Variants in RELN observed in about 807,000 individuals in gnomAD.
RELN encodes reelin.
Under a neutral mutation model 427.6 loss-of-function variants are expected in RELN, and 108 were observed. The observed-to-expected ratio is 0.25, with a 90% CI of 0.22 to 0.30. The LOEUF (loss-of-function observed/expected upper bound fraction) is 0.30, where lower values mean the gene tolerates loss of function less well. Ranked by LOEUF, RELN falls within the 10% of genes least tolerant of loss-of-function variation. The pLI is 1.00. For synonymous variants in RELN, 1,524 were observed against 1,513.4 expected, an observed-to-expected ratio of 1.01 and a Z score of -0.16; for missense variants, 3,715 against 4,302.8, an observed-to-expected ratio of 0.86 and a Z score of 3.82.
chr7:103,847,425 G>C (rs1423619464), intron 2 of RELN, among the ~76,000 whole-genome samples: 3 of 152,150 alleles, frequency 2.0e-5, no homozygotes, highest in Admixed American at 2.0e-4. Context: ...AGAGGGTGGG[G>C]GGCTAGAGGA....
Position 103,835,055 on chromosome 7 carries a change from C to A in RELN, c.338-1383G>T, listed in dbSNP as rs147197580. Reference sequence around the variant, plus strand: ...CAAAAGTTGGAAGCAACCAAGATGTCCTTCAGTTGGTGAATGGATAATGTG... The same window carrying A: ...CAAAAGTTGGAAGCAACCAAGATGTACTTCAGTTGGTGAATGGATAATGTG... On this transcript the variant is annotated intron_variant, in intron 2 of 64. Transcript: ENST00000428762. Among the ~76,000 whole-genome samples, 422 of 152,286 alleles carry A rather than the reference C, an allele frequency of 2.8e-3. 7 individuals carry two copies. The highest frequency in any genetic ancestry group is 4.1e-3 in the Non-Finnish European group (278 of 68,020).
At chr7:103,715,646 T>C (rs1028515729) in intron 8 of RELN, among the ~76,000 whole-genome samples, 1 of 152,138 alleles carries the variant, frequency 6.6e-6, no homozygotes, top group African/African-American at 2.4e-5. Flanking sequence ...CTTTCTCCCT[T>C]CCAGTCCTAT....
intron 22 of RELN, among the ~76,000 whole-genome samples, chr7:103,609,765 GGTTT>G (rs1305081160): frequency 1.3e-5 from 2 of 152,064 alleles, no homozygotes; most frequent in Non-Finnish European, 2.9e-5. Context: ...AATCTGAGAA[GGTTT>G]ATTTAGTAAT....
Position 103,498,325 on chromosome 7 carries a change from G to T in RELN, c.8668-73C>A. 8 of 1,367,256 alleles carry T rather than the reference G, an allele frequency of 5.9e-6. No individual in the cohort carries two copies. The South Asian group carries it at 9.5e-5, about 16-fold the overall frequency. The allele number at this position is 1,367,256 out of a possible 1,614,324, so 84.7% of individuals were successfully genotyped here. On this transcript the variant is annotated intron_variant, in intron 53 of 64. Coordinates refer to ENST00000428762, the MANE Select transcript of RELN (RefSeq NM_005045.4). ...ACTATGGAATATTTAAGAAAATACA[G>T]AGTGATGTCTTGGACTTAAAAAAAA...
chr7:103,625,591 G>T (rs1442784132), intron 20 of RELN, among the ~76,000 whole-genome samples: 1 of 152,084 alleles, frequency 6.6e-6, no homozygotes, highest in African/African-American at 2.4e-5. Flanking sequence ...TGCTATCTAT[G>T]ATCTCATTTA....
chr7:103,748,586 T>C (rs1208893596), intron 6 of RELN, among the ~76,000 whole-genome samples: 1 of 152,186 alleles, frequency 6.6e-6, no homozygotes, highest in African/African-American at 2.4e-5. Context: ...CTCTTTTTAA[T>C]TTACTATAAA....
In RELN at chr7:103,572,211, A is replaced by G; in HGVS notation, c.4561T>C (p.Cys1521Arg). The G allele has an allele frequency of 6.3e-7, 1 of 1,594,558 alleles. No individual in the cohort carries two copies. The highest frequency in any genetic ancestry group is 8.6e-7 in the Non-Finnish European group (1 of 1,162,150). The change falls in exon 31 of 65, where the codon TGC (cysteine) becomes CGC (arginine). Residue 1521 changes from cysteine (C) to arginine (R), a missense_variant. Cys to Arg is a radical substitution (Grantham distance 180). Transcript: ENST00000428762. ...QIGSKTSGITCIKPRTRNEGL... is the reference protein window; with the variant it reads ...QIGSKTSGITRIKPRTRNEGL... Reference sequence around the variant, plus strand: ...TCATTTCTAGTTCTTGGTTTGATGCAGGTAATGCCTGAAGTTTTGCTTCCA... The same window carrying G: ...TCATTTCTAGTTCTTGGTTTGATGCGGGTAATGCCTGAAGTTTTGCTTCCA...
At chr7:103,962,774 AT>A (rs1796584889) in intron 1 of RELN, among the ~76,000 whole-genome samples, 1 of 152,210 alleles carries the variant, frequency 6.6e-6, no homozygotes, top group Non-Finnish European at 1.5e-5. Context: ...CATAGAACAC[AT>A]TTTGAACTGA....
At chr7:103,649,587 A>AAAAATG (rs999382420) in intron 16 of RELN, among the ~76,000 whole-genome samples, 1 of 151,730 alleles carries the variant, frequency 6.6e-6, no homozygotes, top group African/African-American at 2.4e-5. Flanking sequence ...AAATAAAAAT[A>AAAAATG]GAAAGACAAA....
intron 24 of RELN, among the ~76,000 whole-genome samples, chr7:103,599,976 A>C (rs1831626923): frequency 6.6e-6 from 1 of 152,154 alleles, no homozygotes; most frequent in South Asian, 2.1e-4. Context: ...AGCTCACCGC[A>C]ACCTCAAATG....
intron 2 of RELN, among the ~76,000 whole-genome samples, chr7:103,873,886 G>T (rs1190774491): frequency 8.8e-6 from 1 of 114,174 alleles, no homozygotes; most frequent in African/African-American, 2.9e-5. Flanking sequence ...TACCAAAGCC[G>T]GGCAGAGACA....
intron 5 of RELN, among the ~76,000 whole-genome samples, chr7:103,751,972 T>A (rs984798311): frequency 2.6e-5 from 4 of 152,184 alleles, no homozygotes; most frequent in African/African-American, 9.7e-5. Context: ...TTAAAATAAA[T>A]CTTCACTGAC....
intron 2 of RELN, among the ~76,000 whole-genome samples, chr7:103,835,920 G>A (rs888366287): frequency 6.1e-5 from 9 of 146,748 alleles, no homozygotes; most frequent in African/African-American, 2.3e-4. Context: ...TGTTCACACT[G>A]TTAATATTTC....
intron 41 of RELN, among the ~76,000 whole-genome samples, chr7:103,545,971 C>CT (rs1584282288): frequency 6.6e-6 from 1 of 151,776 alleles, no homozygotes; most frequent in Admixed American, 6.6e-5. Flanking sequence ...TATAACTAAC[C>CT]TTTTTTAAAA....
intron 11 of RELN, among the ~76,000 whole-genome samples, chr7:103,681,316 C>T (rs879270245): frequency 8.5e-5 from 13 of 152,056 alleles, no homozygotes; most frequent in African/African-American, 1.9e-4. Flanking sequence ...CACGACTATA[C>T]CTCAAATGTT....
intron 42 of RELN, among the ~76,000 whole-genome samples, chr7:103,543,455 G>A (rs1191032918): frequency 3.3e-5 from 5 of 152,050 alleles, no homozygotes; most frequent in Admixed American, 6.6e-5. Context: ...AGACCAGCCC[G>A]GCCAACATGA....
At chr7:103,848,349 A>G (rs1793731444) in intron 2 of RELN, among the ~76,000 whole-genome samples, 1 of 152,222 alleles carries the variant, frequency 6.6e-6, no homozygotes, top group African/African-American at 2.4e-5. Flanking sequence ...TTTCAGTTGG[A>G]AAGCACAGAA....
intron 2 of RELN, among the ~76,000 whole-genome samples, chr7:103,872,781 T>C (rs1416505730): frequency 2.0e-5 from 3 of 149,450 alleles, no homozygotes; most frequent in African/African-American, 7.3e-5. Flanking sequence ...TGGTATCTCA[T>C]AGTGGTTTTG....
At chr7:103,607,736 A>G (rs1831852039) in intron 22 of RELN, among the ~76,000 whole-genome samples, 1 of 152,228 alleles carries the variant, frequency 6.6e-6, no homozygotes, top group Non-Finnish European at 1.5e-5. Context: ...AAGGTAAATG[A>G]AGGCTGACTA....
Sources: gnomAD v4.1 joint callset for allele counts (sites outside exome capture counted in the v4.1 genomes callset) on GRCh38, gnomAD v4.1.1 for gene constraint, MANE v1.5 for transcripts, NCBI Gene and HGNC (gene_info 2026-07-23, HGNC 2026-07-21) for gene names.